KIRREL1: variants seen among roughly 807,000 people sequenced by gnomAD.
KIRREL1 encodes kin of IRRE-like protein 1.
KIRREL1 carries 25 observed loss-of-function variants against 83.3 expected under a neutral mutation model. The ratio of observed to expected loss-of-function variants is 0.30; its 90% confidence interval spans 0.22 to 0.42. KIRREL1 has a LOEUF of 0.42. KIRREL1 is among the 10% of genes least tolerant of loss of function. KIRREL1 has a pLI of 1.00. For synonymous variants in KIRREL1, 388 were observed against 410.4 expected, an observed-to-expected ratio of 0.95 and a Z score of 0.66; for missense variants, 812 against 1,032.3, an observed-to-expected ratio of 0.79 and a Z score of 2.92.
intron 1 of KIRREL1, among the ~76,000 whole-genome samples, chr1:157,998,103 C>T (rs576815092): frequency 9.9e-5 from 15 of 152,160 alleles, no homozygotes; most frequent in Non-Finnish European, 2.1e-4. Context: ...CTCCAAGGCT[C>T]AACCGCTTCT....
In KIRREL1 at chr1:158,089,856, C is replaced by A. The variant is rs368503496; in HGVS notation, c.1272+38C>A. ...CCTGCCTGCGGACAGCCAGCCCTCC[C>A]TGCTTCTTTGCCCAGGCCCAGCCTC... On this transcript the variant is annotated intron_variant, in intron 10 of 14. Coordinates refer to ENST00000359209, the MANE Select transcript of KIRREL1 (RefSeq NM_018240.7). 66 of 1,577,566 alleles carry A rather than the reference C, an allele frequency of 4.2e-5. No homozygotes were observed. In the African/African-American group the frequency reaches 8.1e-4, roughly 19 times the overall value.
chr1:158,093,412 C>A lies in KIRREL1; in HGVS notation c.1545C>A (p.Ala515=). Reference sequence around the variant, plus strand: ...TCCTGCTCATCTTCTTCTTCATCGCCTTGGTATTCTTCCTCTACCGGCGCC... The same window carrying A: ...TCCTGCTCATCTTCTTCTTCATCGCATTGGTATTCTTCCTCTACCGGCGCC... ...ASILLIFFFI[A]LVFFLYRRRK... is the part of the protein sequence containing the mutation. The change falls in exon 12 of 15, where the codon GCC becomes GCA. Residue 515 remains alanine, a synonymous_variant. Coordinates refer to ENST00000359209, the MANE Select transcript of KIRREL1 (RefSeq NM_018240.7). 1 of 1,614,248 alleles carries A rather than the reference C, an allele frequency of 6.2e-7. No homozygotes were observed. Among genetic ancestry groups the A allele is most frequent in the East Asian group, 2.2e-5 (1 of 44,874 alleles).
chr1:158,015,970 G>C (rs1249295553), intron 1 of KIRREL1, among the ~76,000 whole-genome samples: 1 of 152,106 alleles, frequency 6.6e-6, no homozygotes, highest in Non-Finnish European at 1.5e-5. Context: ...TAAACTAATT[G>C]AGTTAAGATC....
chr1:158,057,815 T>C (rs1221457350), intron 1 of KIRREL1, among the ~76,000 whole-genome samples: 1 of 152,168 alleles, frequency 6.6e-6, no homozygotes, highest in Non-Finnish European at 1.5e-5. Context: ...TTTCTAGCAG[T>C]CCCGGTTCTG....
chr1:158,086,730 C>T lies in KIRREL1; in HGVS notation c.645C>T (p.Ile215=), dbSNP rs762334234. 49 of 1,551,122 alleles carry T rather than the reference C, an allele frequency of 3.2e-5. No homozygotes were observed. The highest frequency in any genetic ancestry group is 1.3e-4 in the South Asian group (11 of 84,026). ...TCCCTAGTGGCAAGGAGACTTCCAT[C>T]GAGCTGGATGTGCACCGTGAGTGGG... ...EAIPSGKETS[I]ELDVHHPPTV... Residue 215 remains isoleucine, a synonymous_variant, in exon 5 of 15, where the codon ATC becomes ATT. Coordinates refer to ENST00000359209, the MANE Select transcript of KIRREL1 (RefSeq NM_018240.7).
At chr1:158,079,883 G>A (rs1661795853) in intron 3 of KIRREL1, among the ~76,000 whole-genome samples, 1 of 152,220 alleles carries the variant, frequency 6.6e-6, no homozygotes, top group African/African-American at 2.4e-5. Flanking sequence ...CTGGGCGAAT[G>A]TGAGATGTCA....
In KIRREL1 at chr1:158,038,038, T is replaced by G. The variant is rs1043111418; in HGVS notation, c.53-38075T>G. The stretch of plus-strand genomic sequence containing the variant: ...CAGCGGCTCAATGGCTCTAGCTAAG[T>G]TAGGGTCTGGCTCTGTGCCCACGAC... On this transcript the variant is annotated intron_variant, in intron 1 of 14. Transcript: ENST00000359209. Among the ~76,000 whole-genome samples the G allele has an allele frequency of 1.8e-4, 27 of 152,244 alleles. 1 individual carries two copies. The highest frequency in any genetic ancestry group is 5.5e-4 in the African/African-American group (23 of 41,550).
rs1339042421 is a variant in KIRREL1 at position 158,097,589 on chromosome 1, G to A, written c.*2469G>A. On this transcript the variant is annotated 3_prime_UTR_variant, in exon 15 of 15. Transcript: ENST00000359209. ...CAAACAAGCACCCTGGAAGGCACAG[G>A]GAAGCATCAGCAACCAAGGTAGTCT... 1 of 156,648 alleles carries A rather than the reference G, an allele frequency of 6.4e-6. No homozygotes were observed. The highest frequency in any genetic ancestry group is 1.4e-5 in the Non-Finnish European group (1 of 71,406). The allele number at this position is 156,648 out of a possible 1,614,324, so 9.7% of individuals were successfully genotyped here.
chr1:158,059,015 G>A (rs143138457), intron 1 of KIRREL1, among the ~76,000 whole-genome samples: 48 of 152,268 alleles, frequency 3.2e-4, no homozygotes, highest in Non-Finnish European at 5.9e-4. Flanking sequence ...CTCCTGAGTT[G>A]TGGGGCAGAT....
Position 158,017,289 on chromosome 1 carries a change from T to A in KIRREL1, c.52+23561T>A, listed in dbSNP as rs2101646881. On this transcript the variant is annotated intron_variant, in intron 1 of 14. Transcript: ENST00000359209. ...CTCTGTCATTCCCTCAAGGTCTTTCTAGCCCTTCTTAGTTTTCTCTCCTAC... is the reference window on the plus strand; with the variant it reads ...CTCTGTCATTCCCTCAAGGTCTTTCAAGCCCTTCTTAGTTTTCTCTCCTAC... Among the ~76,000 whole-genome samples the A allele has an allele frequency of 1.3e-5, 2 of 152,310 alleles. 1 individual carries two copies. The highest frequency in any genetic ancestry group is 4.1e-4 in the South Asian group (2 of 4,830).
At chr1:158,055,883 C>G (rs543620055) in intron 1 of KIRREL1, among the ~76,000 whole-genome samples, 1 of 152,352 alleles carries the variant, frequency 6.6e-6, no homozygotes, top group African/African-American at 2.4e-5. Flanking sequence ...TCCAGGAAGG[C>G]CTGGGGTTGT....
chr1:158,049,422 G>A (rs1660856917), intron 1 of KIRREL1, among the ~76,000 whole-genome samples: 1 of 152,196 alleles, frequency 6.6e-6, no homozygotes, highest in African/African-American at 2.4e-5. Context: ...GCATCCTGAG[G>A]GGGTGCACCC....
intron 1 of KIRREL1, 62 bp downstream of exon 1, chr1:157,993,790 C>T (rs1343628787): frequency 2.5e-6 from 3 of 1,181,112 alleles, no homozygotes; most frequent in Non-Finnish European, 2.3e-6. Context: ...GCACTGCTTC[C>T]CCGGTGGGAG....
chr1:158,012,445 G>T (rs1214427449), intron 1 of KIRREL1, among the ~76,000 whole-genome samples: 1 of 152,172 alleles, frequency 6.6e-6, no homozygotes, highest in Non-Finnish European at 1.5e-5. Context: ...GATAAAGACT[G>T]CATTAAATTA....
At chr1:158,043,869 A>G (rs4246542) in intron 1 of KIRREL1, among the ~76,000 whole-genome samples, 123,124 of 152,140 alleles carry the variant, frequency 0.81, 50,407 homozygotes, top group East Asian at 0.99. Context: ...GTTTAACCCT[A>G]TTTTTCCAGC....
At chr1:158,059,924 A>T (rs1296159701) in intron 1 of KIRREL1, among the ~76,000 whole-genome samples, 4 of 152,130 alleles carry the variant, frequency 2.6e-5, no homozygotes, top group African/African-American at 9.7e-5. Flanking sequence ...TGAGGTGGAC[A>T]TTGGGTTCGG....
At chr1:158,017,162 G>C (rs372599700) in intron 1 of KIRREL1, among the ~76,000 whole-genome samples, 2 of 152,102 alleles carry the variant, frequency 1.3e-5, no homozygotes, top group Non-Finnish European at 2.9e-5. Flanking sequence ...ATCATTGCAC[G>C]CACGGCCCAG....
intron 1 of KIRREL1, among the ~76,000 whole-genome samples, chr1:158,011,553 C>T (rs928578953): frequency 2.0e-5 from 3 of 152,176 alleles, no homozygotes; most frequent in Admixed American, 1.3e-4. Flanking sequence ...GGAGGCATTT[C>T]GCTGAGGCCT....
chr1:158,035,409 C>A (rs1204080382), intron 1 of KIRREL1, among the ~76,000 whole-genome samples: 1 of 152,074 alleles, frequency 6.6e-6, no homozygotes, highest in African/African-American at 2.4e-5. Context: ...AGCAGAGGGT[C>A]CAGGGTATCA....
Sources: allele counts gnomAD v4.1 joint callset (sites outside exome capture counted in the v4.1 genomes callset), GRCh38; gene constraint gnomAD v4.1.1; transcripts MANE v1.5; gene names NCBI Gene and HGNC (gene_info 2026-07-23, HGNC 2026-07-21).